Variants in UNC13A observed in about 807,000 individuals in gnomAD.
The protein encoded by UNC13A is protein unc-13 homolog A.
A neutral mutation model predicts 219.7 loss-of-function variants in UNC13A; 61 were observed. That is an observed-to-expected ratio of 0.28 (90% CI 0.23 to 0.34). The LOEUF is 0.34. Ranked by LOEUF, UNC13A falls within the 10% of genes least tolerant of loss-of-function variation. The pLI is 1.00. For missense variants in UNC13A, 1,476 were observed against 2,270.3 expected (o/e 0.65, Z 7.11); for synonymous variants, 920 against 884.6 (o/e 1.04, Z -0.71).
chr19:17,649,470 G>T lies in UNC13A; in HGVS notation c.1518+39C>A. On this transcript the variant is annotated intron_variant, in intron 13 of 43. Transcript: ENST00000519716. The surrounding 1 kb of genome is among the most constrained non-coding windows in gnomAD (Gnocchi z 4.4). ...ACAGGTTGTGCACTGCTTATAGCAG[G>T]CCTGCTCTGCTCAGGGAGTAAAGGG... 1 of 1,613,390 alleles carries T rather than the reference G, an allele frequency of 6.2e-7. No individual in the cohort carries two copies. Among genetic ancestry groups the T allele is most frequent in the Non-Finnish European group, 8.5e-7 (1 of 1,179,402 alleles).
intron 1 of UNC13A, among the ~76,000 whole-genome samples, chr19:17,687,902 C>T (rs1471275287): frequency 6.6e-6 from 1 of 152,106 alleles, no homozygotes; most frequent in Admixed American, 6.6e-5. Flanking sequence ...CGGGTAGAAC[C>T]CCGGATACCC....
intron 34 of UNC13A, 123 bp from the exon 35 acceptor site, chr19:17,625,075 C>G (rs2076768677): frequency 1.4e-6 from 2 of 1,430,580 alleles, no homozygotes; most frequent in Non-Finnish European, 1.9e-6. Flanking sequence ...TGTACAGGGA[C>G]CCCTGGGTGG....
chr19:17,657,752 C>A (rs2079482705), intron 9 of UNC13A, among the ~76,000 whole-genome samples: 1 of 151,674 alleles, frequency 6.6e-6, no homozygotes, highest in Non-Finnish European at 1.5e-5. Flanking sequence ...GCCTGTAGTC[C>A]CAGCTACTGG....
chr19:17,612,485 C>A (rs901885715), intron 41 of UNC13A, among the ~76,000 whole-genome samples: 1 of 152,170 alleles, frequency 6.6e-6, no homozygotes, highest in African/African-American at 2.4e-5. Flanking sequence ...ATTGCAGTAG[C>A]CTCCTTGCTG....
chr19:17,662,730 C>T (rs1320649304), intron 8 of UNC13A, among the ~76,000 whole-genome samples: 2 of 152,204 alleles, frequency 1.3e-5, no homozygotes, highest in East Asian at 3.9e-4. Flanking sequence ...ACCCTCCTGG[C>T]TAACACGGTG....
In UNC13A at chr19:17,605,882, A is replaced by G; in HGVS notation, c.*172T>C. The G allele has an allele frequency of 1.6e-6, 1 of 632,774 alleles. No individual in the cohort carries two copies. The highest frequency in any genetic ancestry group is 2.4e-6 in the Non-Finnish European group (1 of 418,682). 39.2% of individuals were successfully genotyped at this position (632,774 alleles called of 1,614,324 possible). A position where few individuals can be genotyped will look rare whatever the true frequency, so the allele number is the denominator to read the frequency against. ...CTCCCGAGAGGGCGGGGCATCCTCC[A>G]TTCCTAATTCCCCAAAAGGGAAAGC... On this transcript the variant is annotated 3_prime_UTR_variant, in exon 44 of 44. Transcript: ENST00000519716.
chr19:17,625,340 C>G (rs892216497), intron 34 of UNC13A, among the ~76,000 whole-genome samples: 19 of 152,034 alleles, frequency 1.2e-4, no homozygotes, highest in African/African-American at 4.4e-4. Context: ...AGGCCATGCC[C>G]AAGAGGAACA....
chr19:17,636,203 G>A, intron 25 of UNC13A, 46 bp from the exon 26 acceptor site: 1 of 1,539,374 alleles, frequency 6.5e-7, no homozygotes, highest in Non-Finnish European at 8.8e-7. Flanking sequence ...TCCAGAGGTT[G>A]GTGCCTCGGT....
At chr19:17,650,969 GCT>G (rs2079335141) in intron 12 of UNC13A, among the ~76,000 whole-genome samples, 1 of 135,676 alleles carries the variant, frequency 7.4e-6, no homozygotes, top group Non-Finnish European at 1.5e-5. Context: ...ATGGAGTCTC[GCT>G]CTGTCGCCCA....
At chr19:17,664,866 G>T (rs188953286) in intron 7 of UNC13A, among the ~76,000 whole-genome samples, 2 of 152,142 alleles carry the variant, frequency 1.3e-5, no homozygotes, top group Admixed American at 1.3e-4. Flanking sequence ...CACAGATACA[G>T]GGAGAGCTGT....
chr19:17,679,407 A>ATAT (rs1031291461), intron 1 of UNC13A, among the ~76,000 whole-genome samples: 1 of 149,804 alleles, frequency 6.7e-6, no homozygotes, highest in African/African-American at 2.5e-5. Flanking sequence ...CTCAAAAAAT[A>ATAT]TATAATAATA....
chr19:17,613,223 C>A (rs975072629), intron 41 of UNC13A, among the ~76,000 whole-genome samples: 4 of 151,484 alleles, frequency 2.6e-5, no homozygotes, highest in Non-Finnish European at 4.4e-5. Flanking sequence ...CAGAGAGAGA[C>A]CCTGTCTCAA....
chr19:17,660,539 T>G (rs1008749069), intron 8 of UNC13A, among the ~76,000 whole-genome samples: 3 of 150,478 alleles, frequency 2.0e-5, no homozygotes, highest in African/African-American at 7.3e-5. Context: ...TTTTGGGTTT[T>G]TTTTTTTTTT....
chr19:17,653,623 A>G (rs2079393511), intron 11 of UNC13A, among the ~76,000 whole-genome samples: 1 of 151,832 alleles, frequency 6.6e-6, no homozygotes, highest in Non-Finnish European at 1.5e-5. Flanking sequence ...TGCTGGGATT[A>G]CAGGCGTGAG....
intron 11 of UNC13A, among the ~76,000 whole-genome samples, chr19:17,653,504 C>T (rs984157626): frequency 6.6e-6 from 1 of 151,850 alleles, no homozygotes; most frequent in African/African-American, 2.4e-5. Flanking sequence ...CCCACCACCA[C>T]ACCCAATTAA....
chr19:17,643,307 C>T (rs547424765), intron 19 of UNC13A, among the ~76,000 whole-genome samples: 5 of 151,792 alleles, frequency 3.3e-5, no homozygotes, highest in African/African-American at 7.2e-5. Context: ...TCACCGCGCC[C>T]GGCCAGCCAT....
At chr19:17,676,538 GAGA>G (rs1250007225) in intron 1 of UNC13A, among the ~76,000 whole-genome samples, 6 of 152,186 alleles carry the variant, frequency 3.9e-5, no homozygotes, top group South Asian at 2.1e-4. Context: ...TGAGGAGGTG[GAGA>G]AGAAGAAGGC....
intron 25 of UNC13A, among the ~76,000 whole-genome samples, chr19:17,636,812 T>C (rs1223210298): frequency 1.3e-5 from 2 of 152,180 alleles, no homozygotes; most frequent in Non-Finnish European, 2.9e-5. Context: ...CCAATTCAAC[T>C]GAAATCAATT....
At chr19:17,663,618 G>A in intron 7 of UNC13A, 51 bp from the exon 8 acceptor site, 1 of 1,564,552 alleles carries the variant, frequency 6.4e-7, no homozygotes, top group Non-Finnish European at 8.7e-7. Flanking sequence ...AGAGGGGTGG[G>A]TGTAGGAAGG....
Sources: gnomAD v4.1 joint callset for allele counts (sites outside exome capture counted in the v4.1 genomes callset) on GRCh38, gnomAD v4.1.1 for gene constraint, Gnocchi (gnomAD v3.1) non-coding constraint, MANE v1.5 for transcripts, NCBI Gene and HGNC (gene_info 2026-07-23, HGNC 2026-07-21) for gene names.